The following LIMCH1 variants were observed in gnomAD, a reference collection of about 807,000 sequenced individuals.
LIMCH1 encodes LIM and calponin homology domains 1.
A neutral mutation model predicts 176.5 loss-of-function variants in LIMCH1; 113 were observed. That is an observed-to-expected ratio of 0.64 (90% CI 0.55 to 0.75). The LOEUF (loss-of-function observed/expected upper bound fraction) is 0.75. Among genes scored for constraint, LIMCH1 ranks in the 30% least tolerant of loss-of-function variants. The pLI is 0.00. For missense variants in LIMCH1, 1,674 were observed against 1,814.9 expected (o/e 0.92, Z 1.41); for synonymous variants, 619 against 645.9 (o/e 0.96, Z 0.63).
chr4:41,430,121 G>A (rs979721276), intron 1 of LIMCH1, among the ~76,000 whole-genome samples: 1 of 152,152 alleles, frequency 6.6e-6, no homozygotes, highest in Non-Finnish European at 1.5e-5. Context: ...CCATAATAGA[G>A]TCTAGGGGCA....
intron 1 of LIMCH1, among the ~76,000 whole-genome samples, chr4:41,386,408 G>C (rs11726922): frequency 0.38 from 58,281 of 152,082 alleles, 13,064 homozygotes; most frequent in African/African-American, 0.62. Context: ...GGTTATAACA[G>C]CTATCTTATA....
At position 41,633,537 on chromosome 4, in the gene LIMCH1, T is replaced by C. The variant is rs1169977049; in HGVS notation, c.1830-11T>C. 3 of 1,534,454 alleles carry C rather than the reference T, an allele frequency of 2.0e-6. No individual in the cohort carries two copies. The highest frequency in any genetic ancestry group is 4.9e-5 in the East Asian group (2 of 40,876). On this transcript the variant is annotated splice_polypyrimidine_tract_variant and intron_variant, in intron 12 of 31. Transcript: ENST00000503057. ...GTGGCCTTTGACTGGCTGGACTGAATGTTGCCCTAGGGTGTGTCCTCTGGC... is the reference window on the plus strand; with the variant it reads ...GTGGCCTTTGACTGGCTGGACTGAACGTTGCCCTAGGGTGTGTCCTCTGGC...
intron 4 of LIMCH1, among the ~76,000 whole-genome samples, chr4:41,610,112 A>G (rs898131899): frequency 6.6e-6 from 1 of 152,196 alleles, no homozygotes; most frequent in Non-Finnish European, 1.5e-5. Flanking sequence ...CTTTCTACAC[A>G]GCCGTGAATA....
intron 14 of LIMCH1, among the ~76,000 whole-genome samples, chr4:41,639,392 C>T (rs2152904607): frequency 6.6e-6 from 1 of 152,148 alleles, no homozygotes; most frequent in Non-Finnish European, 1.5e-5. Context: ...AAAATAAATC[C>T]CAAACCACTA....
At chr4:41,483,469 A>G (rs1411668568) in intron 1 of LIMCH1, among the ~76,000 whole-genome samples, 1 of 152,110 alleles carries the variant, frequency 6.6e-6, no homozygotes, top group East Asian at 1.9e-4. Flanking sequence ...AGAGGTAGGA[A>G]ATTGGTGGGA....
intron 22 of LIMCH1, among the ~76,000 whole-genome samples, chr4:41,673,350 C>T (rs993364091): frequency 2.0e-5 from 3 of 152,036 alleles, no homozygotes; most frequent in Non-Finnish European, 4.4e-5. Context: ...TTGTTCATGC[C>T]CCCTGGGTAG....
chr4:41,638,877 TAC>T (rs2093702149), intron 13 of LIMCH1, 53 bp from the exon 14 acceptor site: 9 of 1,451,482 alleles, frequency 6.2e-6, no homozygotes, highest in Non-Finnish European at 8.7e-6. Flanking sequence ...CCAGCTTGCT[TAC>T]AGTGTTCACT....
Position 41,691,970 on chromosome 4 carries a change from A to G in LIMCH1, c.4276-312A>G, listed in dbSNP as rs780597682. On this transcript the variant is annotated intron_variant, in intron 30 of 31. Coordinates refer to ENST00000503057, the MANE Select transcript of LIMCH1 (RefSeq NM_001330672.2). ...TTTTGATTGAGAAACGGTGTATGAT[A>G]GAGGTTAAGACGCTAGGCTTTGGAG... 5.8e-4 allele frequency among the ~76,000 whole-genome samples: 89 copies of G among 152,192 alleles called. 1 individual carries two copies. The highest frequency in any genetic ancestry group is 1.8e-4 in the Non-Finnish European group (12 of 68,032).
In LIMCH1 at chr4:41,619,409, A is replaced by G. The variant is rs2152819372; in HGVS notation, c.427A>G (p.Thr143Ala). The stretch of plus-strand genomic sequence containing the variant: ...ATACCGCAAGAGCTGGAGTACCGCC[A>G]CCTCCCCGCTGGGTGGGGAGAGGCC... ...EEYRKSWSTA[T>A]SPLGGERPFS... The change falls in exon 6 of 32, where the codon ACC (threonine) becomes GCC (alanine). Residue 143 changes from threonine to alanine, a missense_variant. By Grantham distance (58) the Thr-to-Ala change is moderately conservative. Coordinates refer to ENST00000503057, the MANE Select transcript of LIMCH1 (RefSeq NM_001330672.2). 1 of 1,611,728 alleles carries G rather than the reference A, an allele frequency of 6.2e-7. No individual in the cohort carries two copies. The highest frequency in any genetic ancestry group is 8.5e-7 in the Non-Finnish European group (1 of 1,179,992).
chr4:41,447,328 C>T (rs2063386310), intron 1 of LIMCH1, among the ~76,000 whole-genome samples: 1 of 152,170 alleles, frequency 6.6e-6, no homozygotes, highest in Non-Finnish European at 1.5e-5. Context: ...AAGACAAGGA[C>T]TTTTGGTAAG....
At chr4:41,372,285 T>C (rs916109968) in intron 1 of LIMCH1, among the ~76,000 whole-genome samples, 5 of 152,210 alleles carry the variant, frequency 3.3e-5, no homozygotes, top group African/African-American at 1.2e-4. Flanking sequence ...TTTTTAGTGT[T>C]CTTGTTTTTG....
chr4:41,532,708 G>T (rs374429626), intron 3 of LIMCH1, among the ~76,000 whole-genome samples: 1 of 152,138 alleles, frequency 6.6e-6, no homozygotes, highest in Non-Finnish European at 1.5e-5. Context: ...GTCCCCTTGC[G>T]CATCTTTTGT....
At chr4:41,631,596 A>G in intron 10 of LIMCH1, 119 bp downstream of exon 10, 1 of 813,722 alleles carries the variant, frequency 1.2e-6, no homozygotes, top group African/African-American at 1.7e-5. Context: ...CAGACTATGT[A>G]TAGCAGAGAA....
chr4:41,564,035 G>T (rs946704823), intron 1 of LIMCH1, among the ~76,000 whole-genome samples: 1 of 152,130 alleles, frequency 6.6e-6, no homozygotes, highest in African/African-American at 2.4e-5. Flanking sequence ...ATGGTTAAGT[G>T]ACTTACCCTA....
chr4:41,384,377 T>A (rs1205847151), intron 1 of LIMCH1, among the ~76,000 whole-genome samples: 5 of 152,010 alleles, frequency 3.3e-5, no homozygotes, highest in Admixed American at 6.6e-5. Context: ...GCTATTTTTT[T>A]TTTTTTATTT....
chr4:41,493,244 C>T (rs1229764569), intron 1 of LIMCH1, among the ~76,000 whole-genome samples: 1 of 151,780 alleles, frequency 6.6e-6, no homozygotes, highest in Non-Finnish European at 1.5e-5. Flanking sequence ...TCTATTTGCT[C>T]CTTCTGTTCT....
At chr4:41,599,922 T>C (rs2089621189) in intron 2 of LIMCH1, among the ~76,000 whole-genome samples, 1 of 152,194 alleles carries the variant, frequency 6.6e-6, no homozygotes, top group Non-Finnish European at 1.5e-5. Context: ...ATATTATATT[T>C]GCTTGATTTT....
At chr4:41,581,061 C>A (rs1425063502) in intron 1 of LIMCH1, among the ~76,000 whole-genome samples, 1 of 152,066 alleles carries the variant, frequency 6.6e-6, no homozygotes, top group East Asian at 1.9e-4. Context: ...ACAGAGATAA[C>A]CTTTAAAGAA....
chr4:41,581,835 A>C (rs1454666047), intron 1 of LIMCH1, among the ~76,000 whole-genome samples: 2 of 148,222 alleles, frequency 1.3e-5, no homozygotes, highest in African/African-American at 2.5e-5. Flanking sequence ...AAAAAACAAC[A>C]GCAAAACTCC....
Sources: allele counts gnomAD v4.1 joint callset (sites outside exome capture counted in the v4.1 genomes callset), GRCh38; gene constraint gnomAD v4.1.1; transcripts MANE v1.5; gene names NCBI Gene and HGNC (gene_info 2026-07-23, HGNC 2026-07-21).